Variants in DHX40 observed in about 807,000 individuals in gnomAD.
DHX40 encodes probable ATP-dependent RNA helicase DHX40.
DHX40 carries 28 observed loss-of-function variants against 89.6 expected under a neutral mutation model. The ratio of observed to expected loss-of-function variants is 0.31; its 90% CI spans 0.23 to 0.43. The LOEUF is 0.43. Ranked by LOEUF, DHX40 falls within the 20% of genes least tolerant of loss-of-function variation. The pLI is 1.00. For synonymous variants in DHX40, 226 were observed against 283.6 expected, an observed-to-expected ratio of 0.80 and a Z score of 2.04; for missense variants, 457 against 844.0, an observed-to-expected ratio of 0.54 and a Z score of 5.68.
chr17:59,572,168 C>A (rs1483507521), intron 3 of DHX40, among the ~76,000 whole-genome samples: 1 of 152,096 alleles, frequency 6.6e-6, no homozygotes, highest in Non-Finnish European at 1.5e-5. Context: ...ATTTCTTAAT[C>A]CTGTCCAGCT....
At position 59,566,759 on chromosome 17, in the gene DHX40, A is replaced by G; in HGVS notation, c.245A>G (p.Lys82Arg). ...LIVTGNTGSG[K>R]TTQLPKYLYE... ...GTTACTGGAAATACAGGAAGTGGTAAAACAACTCAACTCCCAAAATATCTA... is the reference window on the plus strand; with the variant it reads ...GTTACTGGAAATACAGGAAGTGGTAGAACAACTCAACTCCCAAAATATCTA... The change falls in exon 2 of 18, where the codon AAA becomes AGA. Residue 82 changes from lysine to arginine, a missense_variant. Around this residue, in one of 9 missense-constraint regions of DHX40, gnomAD observed 61 missense variants for 100.4 expected, o/e 0.61. Transcript: ENST00000251241. 6.3e-7 allele frequency: 1 copy of G among 1,590,874 alleles called. No homozygotes were observed. Among genetic ancestry groups the G allele is most frequent in the Non-Finnish European group, 8.5e-7 (1 of 1,174,134 alleles).
chr17:59,600,281 G>A (rs2030410524), intron 14 of DHX40, among the ~76,000 whole-genome samples: 1 of 151,736 alleles, frequency 6.6e-6, no homozygotes, highest in South Asian at 2.1e-4. Flanking sequence ...ATGATATACA[G>A]CAGGCCCTAG....
At chr17:59,605,271 G>C in intron 16 of DHX40, 87 bp downstream of exon 16, 1 of 1,417,664 alleles carries the variant, frequency 7.1e-7, no homozygotes, top group Non-Finnish European at 9.8e-7. Context: ...TTTCACTTTG[G>C]AGTTAAATTT....
At chr17:59,605,898 G>A in intron 17 of DHX40, 2 of 588,672 alleles carry the variant, frequency 3.4e-6, no homozygotes, top group South Asian at 3.4e-5. Context: ...CCAGGAGTTT[G>A]AGGCTGCAGT....
At chr17:59,595,502 A>C (rs1208551401) in intron 12 of DHX40, among the ~76,000 whole-genome samples, 1 of 148,382 alleles carries the variant, frequency 6.7e-6, no homozygotes, top group Non-Finnish European at 1.5e-5. Flanking sequence ...TGTCATGAAA[A>C]CATAAACTAT....
intron 2 of DHX40, among the ~76,000 whole-genome samples, chr17:59,570,231 AG>A (rs2048784956): frequency 7.9e-6 from 1 of 126,032 alleles, no homozygotes; most frequent in Non-Finnish European, 1.6e-5. Flanking sequence ...AATATATATT[AG>A]TATATAATAT....
At chr17:59,599,984 C>T (rs1350122567) in intron 14 of DHX40, among the ~76,000 whole-genome samples, 10 of 151,626 alleles carry the variant, frequency 6.6e-5, no homozygotes, top group Non-Finnish European at 8.8e-5. Context: ...TCACCACACC[C>T]GGCTAATTTT....
rs1368558325 is a variant in DHX40, at chr17:59,602,574, G to A, written c.1859G>A (p.Arg620Gln). Residue 620 changes from arginine (R) to glutamine (Q), a missense_variant, in exon 15 of 18, where the codon CGA becomes CAA. Arg to Gln is a conservative substitution (Grantham distance 43). Transcript: ENST00000251241. The part of the protein sequence containing the change: ...TFEGPKHEVL[R>Q]RCLCAGYFKN... ...GAAGGCCCTAAACATGAAGTACTAC[G>A]AAGATGTCTTTGTGCGGGCTATTTC... 3.1e-6 allele frequency: 5 copies of A among 1,613,854 alleles called. No homozygotes were observed. The highest frequency in any genetic ancestry group is 1.3e-5 in the African/African-American group (1 of 75,022).
rs189573050 is a variant in DHX40 at position 59,574,906 on chromosome 17, T to C, written c.842-434T>C. ...TTTTCAAATAGCAGCACCCTCCTAA[T>C]AGGAATTAGTAGTTTCCTTGTTTAC... On this transcript the variant is annotated intron_variant, in intron 6 of 17. Transcript: ENST00000251241. Among the ~76,000 whole-genome samples the C allele has an allele frequency of 6.6e-5, 10 of 152,346 alleles. No individual in the cohort carries two copies. The East Asian group carries it at 1.9e-3, about 29-fold the overall frequency.
chr17:59,605,556 C>A lies in DHX40; in HGVS notation c.2082C>A (p.Asp694Glu). The change falls in exon 17 of 18, where the codon GAC becomes GAA. Residue 694 changes from aspartate (D) to glutamate (E), a missense_variant. This residue lies in a region of DHX40 where 120 missense variants were observed against 161.7 expected (regional missense o/e 0.74). Transcript: ENST00000251241. ...VCPIRYEWVR[D>E]LLPKLHEFNA... ...CAATCCGTTATGAATGGGTAAGAGA[C>A]TTGTTACCCAAGTTGCATGAATTTA... 6.2e-7 allele frequency: 1 copy of A among 1,614,106 alleles called. No individual in the cohort carries two copies. Among genetic ancestry groups the A allele is most frequent in the Non-Finnish European group, 8.5e-7 (1 of 1,179,996 alleles).
rs373660974 is a variant in DHX40, at chr17:59,587,902, C to T, written c.1431C>T (p.Gly477=). 6.2e-7 allele frequency: 1 copy of T among 1,612,272 alleles called. No individual in the cohort carries two copies. Among genetic ancestry groups the T allele is most frequent in the Non-Finnish European group, 8.5e-7 (1 of 1,178,868 alleles). ...ACTTTTTCTTTGTATTAAGGAGTGGCCATGTCACCAGATTGGGTTTGTCTA... is the reference window on the plus strand; with the variant it reads ...ACTTTTTCTTTGTATTAAGGAGTGGTCATGTCACCAGATTGGGTTTGTCTA... ...LYQCDAIDRS[G]HVTRLGLSMV... The change falls in exon 12 of 18, where the codon GGC becomes GGT. Residue 477 remains glycine, a synonymous_variant. Coordinates refer to ENST00000251241, the MANE Select transcript of DHX40 (RefSeq NM_024612.5).
intron 12 of DHX40, among the ~76,000 whole-genome samples, chr17:59,590,932 G>C (rs576135534): frequency 1.3e-5 from 2 of 151,176 alleles, no homozygotes; most frequent in Admixed American, 1.3e-4. Flanking sequence ...CAGCTCCTTG[G>C]GAGACTGAGG....
At chr17:59,577,215 T>G (rs2048897124) in intron 7 of DHX40, 51 bp from the exon 8 acceptor site, 3 of 1,482,538 alleles carry the variant, frequency 2.0e-6, no homozygotes, top group Non-Finnish European at 2.8e-6. Context: ...AAAACTCGAG[T>G]TTGACACATG....
At chr17:59,589,106 A>T (rs2049043217) in intron 12 of DHX40, among the ~76,000 whole-genome samples, 1 of 151,668 alleles carries the variant, frequency 6.6e-6, no homozygotes, top group African/African-American at 2.4e-5. Flanking sequence ...TAACTCTTGA[A>T]GTTTTGTTCT....
At chr17:59,591,545 T>G (rs1021145262) in intron 12 of DHX40, among the ~76,000 whole-genome samples, 3 of 151,034 alleles carry the variant, frequency 2.0e-5, no homozygotes, top group African/African-American at 7.3e-5. Context: ...TTTTCCATGT[T>G]GGAATATTTA....
At chr17:59,595,336 G>A (rs2029965892) in intron 12 of DHX40, among the ~76,000 whole-genome samples, 2 of 152,096 alleles carry the variant, frequency 1.3e-5, no homozygotes, top group South Asian at 4.1e-4. Context: ...TCCTGCCTCG[G>A]CCTCCCAACA....
intron 8 of DHX40, among the ~76,000 whole-genome samples, chr17:59,579,221 GC>G (rs1363367610): frequency 3.5e-5 from 3 of 85,526 alleles, no homozygotes; most frequent in Admixed American, 1.4e-4. Flanking sequence ...AAATGGAATT[GC>G]TGGATCATAT....
intron 12 of DHX40, among the ~76,000 whole-genome samples, chr17:59,593,767 C>T (rs1201188026): frequency 6.7e-6 from 1 of 149,850 alleles, no homozygotes; most frequent in Non-Finnish European, 1.5e-5. Context: ...CAGGAGTGAG[C>T]CACCATGCCC....
chr17:59,603,765 G>A (rs1228400397), intron 15 of DHX40: 2 of 152,100 alleles, frequency 1.3e-5, no homozygotes, highest in African/African-American at 4.8e-5. Context: ...TGGCATATGT[G>A]ACCTAAATCA....
Sources: allele counts gnomAD v4.1 joint callset (sites outside exome capture counted in the v4.1 genomes callset), GRCh38; gene constraint gnomAD v4.1.1; regional missense constraint gnomAD v4.1.1; transcripts MANE v1.5; gene names NCBI Gene and HGNC (gene_info 2026-07-23, HGNC 2026-07-21).